Variants in GSG1L observed in about 807,000 individuals in gnomAD.
The protein encoded by GSG1L is germ cell-specific gene 1-like protein.
GSG1L carries 24 observed loss-of-function variants against 42.1 expected under a neutral mutation model. That is an observed-to-expected ratio of 0.57 (90% CI 0.41 to 0.80). The LOEUF is 0.80. Ranked by LOEUF, GSG1L falls within the 30% of genes least tolerant of loss-of-function variation. GSG1L has a pLI of 0.00. For missense variants in GSG1L, 445 were observed against 472.2 expected, an observed-to-expected ratio of 0.94 and a Z score of 0.53; for synonymous variants, 215 against 203.5, an observed-to-expected ratio of 1.06 and a Z score of -0.48.
At chr16:28,050,870 A>G (rs1394993951) in intron 1 of GSG1L, among the ~76,000 whole-genome samples, 1 of 152,144 alleles carries the variant, frequency 6.6e-6, no homozygotes, top group Admixed American at 6.5e-5. Context: ...CCAGAATGCA[A>G]GCTCCATAAG....
chr16:27,862,611 G>T (rs2083667733), intron 3 of GSG1L, among the ~76,000 whole-genome samples: 1 of 152,222 alleles, frequency 6.6e-6, no homozygotes, highest in Non-Finnish European at 1.5e-5. Flanking sequence ...ACCAGGGCAG[G>T]CAAAATGGCT....
In GSG1L at chr16:27,884,636, C is replaced by G; in HGVS notation, c.400G>C (p.Val134Leu). 1 of 1,579,490 alleles carries G rather than the reference C, an allele frequency of 6.3e-7. No homozygotes were observed. The highest frequency in any genetic ancestry group is 8.6e-7 in the Non-Finnish European group (1 of 1,162,436). ...IDLAPASEKG[V>L]LWLSVVSEVL... ...TCGGAGACCACAGACAGCCACAGGA[C>G]CCCTGTCCAACAGAGGCAGAGAGGC... The change falls in exon 3 of 7, where the codon GTC (valine) becomes CTC (leucine). Residue 134 changes from valine (V) to leucine (L), a missense_variant and splice_region_variant. Val to Leu is a conservative substitution (Grantham distance 32). Around this residue, in one of 3 missense-constraint regions of GSG1L, gnomAD observed 149 missense variants for 223.3 expected, o/e 0.67. Transcript: ENST00000447459. This position sits in a 1 kb window ranked among gnomAD's most constrained non-coding sequence, Gnocchi z 4.4.
chr16:27,999,536 A>G (rs1173146525), intron 1 of GSG1L, among the ~76,000 whole-genome samples: 1 of 152,196 alleles, frequency 6.6e-6, no homozygotes, highest in Admixed American at 6.5e-5. Context: ...CATCATGGGA[A>G]CTCTATAAAT....
intron 1 of GSG1L, among the ~76,000 whole-genome samples, chr16:27,979,687 G>GAAA (rs778442144): frequency 4.1e-5 from 1 of 24,648 alleles, no homozygotes; most frequent in African/African-American, 1.6e-4. Flanking sequence ...GAGAAAGAAA[G>GAAA]AAGGAAGGAA....
chr16:27,819,498 C>A (rs1225116044), intron 5 of GSG1L, among the ~76,000 whole-genome samples: 2 of 152,116 alleles, frequency 1.3e-5, no homozygotes, highest in Non-Finnish European at 2.9e-5. Flanking sequence ...AGCACCCAGA[C>A]GACGCCAGGA....
chr16:28,005,093 G>C (rs980223129), intron 1 of GSG1L, among the ~76,000 whole-genome samples: 1 of 152,160 alleles, frequency 6.6e-6, no homozygotes, highest in South Asian at 2.1e-4. Context: ...TGAGGGCTGT[G>C]GGGGAAGGAT....
At chr16:27,861,750 C>T (rs538051865) in intron 3 of GSG1L, among the ~76,000 whole-genome samples, 1 of 152,284 alleles carries the variant, frequency 6.6e-6, no homozygotes, top group East Asian at 1.9e-4. Context: ...CCTTTGCATG[C>T]ACTGTTTCCA....
chr16:28,000,256 C>A (rs2085567421), intron 1 of GSG1L, among the ~76,000 whole-genome samples: 1 of 152,110 alleles, frequency 6.6e-6, no homozygotes, highest in African/African-American at 2.4e-5. Context: ...TCGCTTGAGC[C>A]CAGGGTTCTG....
intron 5 of GSG1L, among the ~76,000 whole-genome samples, chr16:27,815,404 A>G (rs2083084086): frequency 6.6e-6 from 1 of 152,232 alleles, no homozygotes; most frequent in South Asian, 2.1e-4. Flanking sequence ...GAAGCTGAGC[A>G]GATGCTGGCA....
At chr16:28,053,902 C>T (rs1274416144) in intron 1 of GSG1L, among the ~76,000 whole-genome samples, 2 of 152,158 alleles carry the variant, frequency 1.3e-5, no homozygotes, top group Admixed American at 1.3e-4. Flanking sequence ...TGCGTCTTCT[C>T]ATCTCTCTCT....
Position 28,037,284 on chromosome 16 carries a change from C to G in GSG1L, c.349+25792G>C, listed in dbSNP as rs189054391. Among the ~76,000 whole-genome samples, 359 of 152,380 alleles carry G rather than the reference C, an allele frequency of 2.4e-3. 1 individual carries two copies. Among genetic ancestry groups the G allele is most frequent in the Non-Finnish European group, 3.5e-3 (236 of 68,042 alleles). ...CAAGTGATCCACCCGCCTCGGCCCC[C>G]CAAAGTGCTGGGATCACAGGCGTGA... On this transcript the variant is annotated intron_variant, in intron 1 of 6. Coordinates refer to ENST00000447459, the MANE Select transcript of GSG1L (RefSeq NM_001109763.2).
intron 5 of GSG1L, 135 bp from the exon 6 acceptor site, chr16:27,807,689 C>T: frequency 1.5e-6 from 1 of 671,920 alleles, no homozygotes; most frequent in South Asian, 1.9e-5. Flanking sequence ...CCACCTGCTG[C>T]CCTGGGGGAT....
At chr16:27,945,142 G>A (rs547575613) in intron 2 of GSG1L, among the ~76,000 whole-genome samples, 1 of 151,788 alleles carries the variant, frequency 6.6e-6, no homozygotes, top group Admixed American at 6.6e-5. Context: ...AGGATTGAGG[G>A]GTAAGTGCTC....
chr16:27,987,703 C>T (rs2085401219), intron 1 of GSG1L, among the ~76,000 whole-genome samples: 2 of 152,130 alleles, frequency 1.3e-5, no homozygotes, highest in Admixed American at 6.6e-5. Flanking sequence ...AATCCCAGCA[C>T]TTTGGGAGGC....
chr16:28,007,476 G>A (rs989907023), intron 1 of GSG1L, among the ~76,000 whole-genome samples: 5 of 119,398 alleles, frequency 4.2e-5, no homozygotes. Flanking sequence ...GCATGTGTGT[G>A]TGGTTGGTTG....
intron 2 of GSG1L, among the ~76,000 whole-genome samples, chr16:27,943,488 A>C (rs2084823911): frequency 6.6e-6 from 1 of 151,924 alleles, no homozygotes; most frequent in Non-Finnish European, 1.5e-5. Flanking sequence ...TTTAGGCAAA[A>C]AATTCGAAAA....
rs188592316 is a variant in GSG1L, at chr16:28,049,273, G to T, written c.349+13803C>A. On this transcript the variant is annotated intron_variant, in intron 1 of 6. Transcript: ENST00000447459. Reference sequence around the variant, plus strand: ...AATTCCTTTTAATTCCTTTTAAAAGGAATACTATGCTAAATAGCTAAAATA... The same window carrying T: ...AATTCCTTTTAATTCCTTTTAAAAGTAATACTATGCTAAATAGCTAAAATA... 2.8e-3 allele frequency among the ~76,000 whole-genome samples: 429 copies of T among 152,142 alleles called. 1 individual carries two copies. Among genetic ancestry groups the T allele is most frequent in the Admixed American group, 5.0e-3 (77 of 15,272 alleles).
chr16:27,791,279 CCAGGG>C lies in GSG1L; in HGVS notation c.*86_*90del. ...GCTGACTGAGTTCACGGCACACAGG[CCAGGG>C]TTCTGGGGGCACCACTCTGGTGGTC... On this transcript the variant is annotated 3_prime_UTR_variant, in exon 7 of 7. Transcript: ENST00000447459. 5 of 833,006 alleles carry C rather than the reference CCAGGG, an allele frequency of 6.0e-6. No individual in the cohort carries two copies. Among genetic ancestry groups the C allele is most frequent in the Non-Finnish European group, 8.7e-6 (5 of 574,430 alleles). The allele number at this position is 833,006 out of a possible 1,614,324, so 51.6% of individuals were successfully genotyped here.
At chr16:27,947,384 A>AAAAGAAAAGAAAG (rs1555509990) in intron 2 of GSG1L, among the ~76,000 whole-genome samples, 1 of 130,678 alleles carries the variant, frequency 7.7e-6, no homozygotes. Context: ...GAAAGAAAGA[A>AAAAGAAAAGAAAG]AAAGAAAGAA....
Sources: allele counts gnomAD v4.1 joint callset (sites outside exome capture counted in the v4.1 genomes callset), GRCh38; gene constraint gnomAD v4.1.1; regional missense constraint gnomAD v4.1.1; non-coding constraint Gnocchi (gnomAD v3.1); transcripts MANE v1.5; gene names NCBI Gene and HGNC (gene_info 2026-07-23, HGNC 2026-07-21).